HECTD4: variants seen among roughly 807,000 people sequenced by gnomAD.
The protein encoded by HECTD4 is probable E3 ubiquitin-protein ligase HECTD4.
HECTD4 carries 114 observed loss-of-function variants against 471.5 expected under a neutral mutation model. The ratio of observed to expected loss-of-function variants is 0.24; its 90% CI spans 0.21 to 0.28. HECTD4 has a LOEUF of 0.28. Among genes scored for constraint, HECTD4 ranks in the 10% least tolerant of loss-of-function variants. HECTD4 has a pLI of 1.00. For synonymous variants in HECTD4, 2,012 were observed against 2,256.0 expected (o/e 0.89, Z 3.07); for missense variants, 3,866 against 5,651.5 (o/e 0.68, Z 10.13).
At position 112,194,773 on chromosome 12, in the gene HECTD4, G is replaced by A; in HGVS notation, c.8749+112C>T. The A allele has an allele frequency of 2.0e-6, 2 of 983,822 alleles. No individual in the cohort carries two copies. Among genetic ancestry groups the A allele is most frequent in the Middle Eastern group, 2.2e-4 (1 of 4,554 alleles). 60.9% of individuals were successfully genotyped at this position (983,822 alleles called of 1,614,324 possible). ...TTCCTGCGTGCAATTTCTCACGTGA[G>A]CCTATGCGCACCATGAGGCATTTCT... On this transcript the variant is annotated intron_variant, in intron 56 of 75. Transcript: ENST00000682272. The surrounding 1 kb of genome is among the most constrained non-coding windows in gnomAD (Gnocchi z 4.6).
At chr12:112,299,054 G>A (rs1456630729) in intron 7 of HECTD4, among the ~76,000 whole-genome samples, 1 of 152,134 alleles carries the variant, frequency 6.6e-6, no homozygotes, top group African/African-American at 2.4e-5. Flanking sequence ...ATTAGTGGCT[G>A]AGTGACACTT....
intron 1 of HECTD4, chr12:112,321,733 T>C (rs992632936): frequency 4.6e-5 from 7 of 152,026 alleles, no homozygotes; most frequent in African/African-American, 1.7e-4. Context: ...CTTAGCTACA[T>C]ATGCAAATCA....
chr12:112,374,306 AGAGT>A (rs2036739261), intron 1 of HECTD4, among the ~76,000 whole-genome samples: 1 of 152,228 alleles, frequency 6.6e-6, no homozygotes, highest in Non-Finnish European at 1.5e-5. Context: ...AGCCAGTGAC[AGAGT>A]GAGAACCTGT....
intron 22 of HECTD4, among the ~76,000 whole-genome samples, chr12:112,253,024 C>A (rs867377709): frequency 1.3e-4 from 20 of 151,820 alleles, no homozygotes; most frequent in African/African-American, 3.6e-4. Flanking sequence ...ATGTTGCCCA[C>A]GCTGGTCTCA....
intron 48 of HECTD4, among the ~76,000 whole-genome samples, chr12:112,215,418 G>A (rs767001324): frequency 1.3e-5 from 2 of 152,144 alleles, no homozygotes; most frequent in East Asian, 3.8e-4. Context: ...CGGCTGCTTC[G>A]AATGTCAGCA....
chr12:112,187,542 T>G (rs1233483599), intron 60 of HECTD4, among the ~76,000 whole-genome samples: 1 of 151,764 alleles, frequency 6.6e-6, no homozygotes, highest in Non-Finnish European at 1.5e-5. Context: ...CCGGCCTGTA[T>G]TTATTTTTAT....
intron 45 of HECTD4, among the ~76,000 whole-genome samples, chr12:112,217,835 G>C (rs1447544978): frequency 6.6e-6 from 1 of 152,050 alleles, no homozygotes; most frequent in Non-Finnish European, 1.5e-5. Flanking sequence ...TTAATATTCA[G>C]CTCAAGGCTA....
intron 24 of HECTD4, 97 bp from the exon 25 acceptor site, chr12:112,250,474 A>G: frequency 1.2e-6 from 1 of 854,932 alleles, no homozygotes; most frequent in Non-Finnish European, 1.9e-6. Flanking sequence ...ATGAAGGATC[A>G]CATTCTGTGT....
intron 1 of HECTD4, among the ~76,000 whole-genome samples, chr12:112,377,101 G>C (rs1269673919): frequency 6.6e-6 from 1 of 152,006 alleles, no homozygotes; most frequent in Non-Finnish European, 1.5e-5. Flanking sequence ...AACAGAGCAA[G>C]AATCTCTGTC....
At chr12:112,192,127 G>A (rs949575853) in intron 59 of HECTD4, among the ~76,000 whole-genome samples, 2 of 152,204 alleles carry the variant, frequency 1.3e-5, no homozygotes, top group African/African-American at 2.4e-5. Flanking sequence ...GAGAGCAATC[G>A]AGCTTCCAGT....
At chr12:112,226,505 A>T in intron 44 of HECTD4, 138 bp downstream of exon 44, 1 of 490,874 alleles carries the variant, frequency 2.0e-6, no homozygotes, top group Non-Finnish European at 3.6e-6. Context: ...GATGCACGTG[A>T]GTTGTGACAG....
rs1333967512 is a variant in HECTD4 at position 112,185,264 on chromosome 12, G to A, written c.9702C>T (p.Gly3234=). Residue 3234 remains glycine (G), a synonymous_variant, in exon 61 of 76, where the codon GGC becomes GGT. Transcript: ENST00000682272. ...CCGCCCCCCCGGAGCCCCCGCAGGC[G>A]CCGCCTGAGACCCAGTTCTGCGTCT... ...DEETQNWVSG[G]ACGGSGGAAA... The A allele has an allele frequency of 1.3e-6, 2 of 1,550,102 alleles. No individual in the cohort carries two copies. Among genetic ancestry groups the A allele is most frequent in the Admixed American group, 2.0e-5 (1 of 50,926 alleles).
intron 1 of HECTD4, among the ~76,000 whole-genome samples, chr12:112,355,287 C>CAAAA (rs1310033896): frequency 1.8e-5 from 2 of 111,444 alleles, no homozygotes; most frequent in African/African-American, 3.5e-5. Flanking sequence ...AAATGGGATT[C>CAAAA]AAAAAAAAAA....
chr12:112,231,745 T>G lies in HECTD4; in HGVS notation c.5998-30A>C, dbSNP rs373686655. 2.6e-6 allele frequency: 4 copies of G among 1,557,736 alleles called. No individual in the cohort carries two copies. The African/African-American group carries it at 5.4e-5, about 21-fold the overall frequency. On this transcript the variant is annotated intron_variant, in intron 38 of 75. Transcript: ENST00000682272. ...GGTGAGGTTGAAGACGCTGAGAAGATTCATTTCAGTCTTCCCAGCACTATA... is the reference window on the plus strand; with the variant it reads ...GGTGAGGTTGAAGACGCTGAGAAGAGTCATTTCAGTCTTCCCAGCACTATA...
At chr12:112,375,122 G>A (rs2036752691) in intron 1 of HECTD4, among the ~76,000 whole-genome samples, 1 of 152,104 alleles carries the variant, frequency 6.6e-6, no homozygotes, top group Admixed American at 6.6e-5. Flanking sequence ...CTACAGATTA[G>A]TCTGCATTTC....
At chr12:112,320,941 G>A (rs1196342559) in intron 1 of HECTD4, among the ~76,000 whole-genome samples, 6 of 151,786 alleles carry the variant, frequency 4.0e-5, no homozygotes, top group Non-Finnish European at 7.4e-5. Context: ...CCACCTCCCA[G>A]GTTCAAGCAA....
intron 1 of HECTD4, among the ~76,000 whole-genome samples, chr12:112,376,049 T>C (rs1478555485): frequency 1.3e-5 from 2 of 152,054 alleles, no homozygotes; most frequent in Non-Finnish European, 2.9e-5. Context: ...GCACCCTAGG[T>C]TGGGCAACAG....
chr12:112,334,051 A>C (rs888981559), intron 1 of HECTD4, among the ~76,000 whole-genome samples: 1 of 151,908 alleles, frequency 6.6e-6, no homozygotes, highest in Non-Finnish European at 1.5e-5. Flanking sequence ...TCTACTAAAA[A>C]ACACAAAAAT....
Position 112,204,584 on chromosome 12 carries a change from T to C in HECTD4, c.8171A>G (p.Tyr2724Cys). The C allele has an allele frequency of 6.2e-7, 1 of 1,613,010 alleles. No individual in the cohort carries two copies. The highest frequency in any genetic ancestry group is 8.5e-7 in the Non-Finnish European group (1 of 1,179,008). The change falls in exon 53 of 76, where the codon TAC becomes TGC. Residue 2724 changes from tyrosine to cysteine, a missense_variant. Physicochemically the swap from Tyr to Cys is radical, Grantham distance 194. This residue lies in a region of HECTD4 where 266 missense variants were observed against 441.6 expected (regional missense o/e 0.60). Coordinates refer to ENST00000682272, the MANE Select transcript of HECTD4 (RefSeq NM_001388303.1). ...TCTTGGGATGCCACCATTCTCTTCGTAGAGAAATTCAACCGTCTGTCGGGC... is the reference window on the plus strand; with the variant it reads ...TCTTGGGATGCCACCATTCTCTTCGCAGAGAAATTCAACCGTCTGTCGGGC... ...DIARQTVEFL[Y>C]EENGGIPRDL...
Sources: allele counts gnomAD v4.1 joint callset (sites outside exome capture counted in the v4.1 genomes callset), GRCh38; gene constraint gnomAD v4.1.1; regional missense constraint gnomAD v4.1.1; non-coding constraint Gnocchi (gnomAD v3.1); transcripts MANE v1.5; gene names NCBI Gene and HGNC (gene_info 2026-07-23, HGNC 2026-07-21).